The following SMAP1 variants were observed in gnomAD, a reference collection of about 807,000 sequenced individuals.
The protein encoded by SMAP1 is small ArfGAP 1.
SMAP1 carries 24 observed loss-of-function variants against 58.5 expected under a neutral mutation model. That is an observed-to-expected ratio of 0.41 (90% CI 0.30 to 0.58). The LOEUF is 0.58. Among genes scored for constraint, SMAP1 ranks in the 20% least tolerant of loss-of-function variants. The probability of loss-of-function intolerance (pLI) is 0.29; values close to 1 mark genes in which losing one functional copy is unlikely to be tolerated. For missense variants in SMAP1, 563 were observed against 566.3 expected (o/e 0.99, Z 0.06); for synonymous variants, 216 against 196.6 (o/e 1.10, Z -0.82).
At chr6:70,752,287 C>A (rs1766312145) in intron 2 of SMAP1, among the ~76,000 whole-genome samples, 1 of 152,188 alleles carries the variant, frequency 6.6e-6, no homozygotes, top group Non-Finnish European at 1.5e-5. Context: ...TTAGTAAGCC[C>A]TGCAGGACAT....
chr6:70,845,576 A>G (rs1261645335), intron 7 of SMAP1, among the ~76,000 whole-genome samples: 1 of 152,240 alleles, frequency 6.6e-6, no homozygotes, highest in African/African-American at 2.4e-5. Context: ...CTAATGTTTT[A>G]CGGACATCAC....
chr6:70,690,594 C>T (rs1038123007), intron 1 of SMAP1, among the ~76,000 whole-genome samples: 6 of 151,658 alleles, frequency 4.0e-5, no homozygotes, highest in Non-Finnish European at 5.9e-5. Context: ...GCCACCCGGC[C>T]GGTTTTTAAG....
chr6:70,860,765 A>C lies in SMAP1; in HGVS notation c.*431A>C, dbSNP rs545459761. The C allele has an allele frequency of 2.2e-4, 89 of 399,634 alleles. No individual in the cohort carries two copies. The highest frequency in any genetic ancestry group is 1.7e-3 in the African/African-American group (83 of 48,726). 24.8% of individuals were successfully genotyped at this position (399,634 alleles called of 1,614,324 possible). A position where few individuals can be genotyped will look rare whatever the true frequency, so the allele number is the denominator to read the frequency against. ...ATCAAATGTTTAATCATATAAATAG[A>C]ATGTAAATGTCTCACTGAGCACTGT... On this transcript the variant is annotated 3_prime_UTR_variant, in exon 11 of 11. Transcript: ENST00000370455.
Position 70,861,628 on chromosome 6 carries a change from C to T in SMAP1, c.*1294C>T, listed in dbSNP as rs754878228. The T allele has an allele frequency of 3.8e-6, 6 of 1,589,884 alleles. No individual in the cohort carries two copies. The highest frequency in any genetic ancestry group is 5.2e-6 in the Non-Finnish European group (6 of 1,159,724). On this transcript the variant is annotated 3_prime_UTR_variant, in exon 11 of 11. Transcript: ENST00000370455. ...AAACATCCTCTTCCATATGGATCCA[C>T]TGGCTGGACAAACTGCACCAGTTGC...
chr6:70,803,033 G>T (rs540715294), intron 6 of SMAP1, among the ~76,000 whole-genome samples: 1 of 152,304 alleles, frequency 6.6e-6, no homozygotes, highest in East Asian at 1.9e-4. Flanking sequence ...AATGAGTTAG[G>T]GAGGATTCCC....
At chr6:70,685,956 A>G (rs577209688) in intron 1 of SMAP1, among the ~76,000 whole-genome samples, 5 of 152,050 alleles carry the variant, frequency 3.3e-5, no homozygotes, top group Non-Finnish European at 7.4e-5. Context: ...CCCAGGCTGG[A>G]GTGTAGTGGC....
chr6:70,677,003 G>C (rs532357433), intron 1 of SMAP1, among the ~76,000 whole-genome samples: 1 of 151,964 alleles, frequency 6.6e-6, no homozygotes, highest in African/African-American at 2.4e-5. Flanking sequence ...TATGTTGTTT[G>C]GGCTTTCAAA....
chr6:70,789,145 G>A (rs1379846061), intron 4 of SMAP1, among the ~76,000 whole-genome samples: 1 of 151,906 alleles, frequency 6.6e-6, no homozygotes, highest in Admixed American at 6.6e-5. Flanking sequence ...CTCACATAAT[G>A]TATATTACCC....
intron 2 of SMAP1, among the ~76,000 whole-genome samples, chr6:70,752,321 C>G (rs1181528672): frequency 3.3e-5 from 5 of 152,132 alleles, no homozygotes; most frequent in Non-Finnish European, 7.4e-5. Flanking sequence ...CTGGATGAAG[C>G]CTGAAATATC....
At chr6:70,848,961 G>T (rs188369243) in intron 7 of SMAP1, among the ~76,000 whole-genome samples, 2 of 152,306 alleles carry the variant, frequency 1.3e-5, no homozygotes, top group Non-Finnish European at 1.5e-5. Context: ...TGAATGCATA[G>T]CTTTGATAGT....
rs1229710601 is a variant in SMAP1, at chr6:70,725,210, G to A, written c.119-7168G>A. On this transcript the variant is annotated intron_variant, in intron 1 of 10. Coordinates refer to ENST00000370455, the MANE Select transcript of SMAP1 (RefSeq NM_001044305.3). Reference sequence around the variant, plus strand: ...CGGCTCACTGCAAGCTCTGCCTCCCGGGTTCACATTATTCTCCTGCCTCAG... The same window carrying A: ...CGGCTCACTGCAAGCTCTGCCTCCCAGGTTCACATTATTCTCCTGCCTCAG... Among the ~76,000 whole-genome samples, 13 of 134,398 alleles carry A rather than the reference G, an allele frequency of 9.7e-5. No homozygotes were observed. In the East Asian group the frequency reaches 1.4e-3, roughly 15 times the overall value. The allele number at this position is 134,398 out of a possible 152,430, so 88.2% of individuals were successfully genotyped here. A position where few individuals can be genotyped will look rare whatever the true frequency, so the allele number is the denominator to read the frequency against.
chr6:70,770,870 C>G (rs1582151328), intron 3 of SMAP1, among the ~76,000 whole-genome samples: 4 of 152,238 alleles, frequency 2.6e-5, no homozygotes, highest in African/African-American at 9.6e-5. Context: ...TTTTCCCCAT[C>G]TTTGTGGTTT....
intron 4 of SMAP1, among the ~76,000 whole-genome samples, chr6:70,777,049 T>C (rs183865176): frequency 6.6e-6 from 1 of 152,338 alleles, no homozygotes; most frequent in Non-Finnish European, 1.5e-5. Context: ...TGTTTTTAAT[T>C]TTTTGAGAAA....
chr6:70,708,548 T>A (rs1358240353), intron 1 of SMAP1, among the ~76,000 whole-genome samples: 1 of 152,212 alleles, frequency 6.6e-6, no homozygotes, highest in Non-Finnish European at 1.5e-5. Flanking sequence ...CATACTCCTT[T>A]CCATAATAGC....
Position 70,860,713 on chromosome 6 carries a change from A to C in SMAP1, c.*379A>C, listed in dbSNP as rs1210555326. 1.7e-5 allele frequency: 7 copies of C among 403,380 alleles called. No homozygotes were observed. In the East Asian group the frequency reaches 2.5e-4, roughly 14 times the overall value. The allele number at this position is 403,380 out of a possible 1,614,324, so 25.0% of individuals were successfully genotyped here. A position where few individuals can be genotyped will look rare whatever the true frequency, so the allele number is the denominator to read the frequency against. On this transcript the variant is annotated 3_prime_UTR_variant, in exon 11 of 11. Transcript: ENST00000370455. The stretch of plus-strand genomic sequence containing the variant: ...TATAAACCCCACCCCAAAATTAGCC[A>C]GTAATCCTGTAGGAAGGTACTGTAT...
rs573810725 is a variant in SMAP1, at chr6:70,861,334, T to C, written c.*1000T>C. The C allele has an allele frequency of 1.3e-5, 3 of 232,618 alleles. No homozygotes were observed. The highest frequency in any genetic ancestry group is 2.6e-5 in the Non-Finnish European group (3 of 117,428). The allele number at this position is 232,618 out of a possible 1,614,324, so 14.4% of individuals were successfully genotyped here. ...TACCAACCTGTTCAAGTCTACCAAT[T>C]ATAAGGGCAAATTGGAGAAAAAGAA... On this transcript the variant is annotated 3_prime_UTR_variant, in exon 11 of 11. Coordinates refer to ENST00000370455, the MANE Select transcript of SMAP1 (RefSeq NM_001044305.3).
At chr6:70,785,980 C>A (rs1419148884) in intron 4 of SMAP1, among the ~76,000 whole-genome samples, 1 of 151,774 alleles carries the variant, frequency 6.6e-6, no homozygotes. Flanking sequence ...GATACCAAAG[C>A]CTGACAGAGA....
At chr6:70,842,745 G>A (rs1233343798) in intron 7 of SMAP1, among the ~76,000 whole-genome samples, 3 of 152,168 alleles carry the variant, frequency 2.0e-5, no homozygotes, top group African/African-American at 7.2e-5. Flanking sequence ...AGCGCAGGGA[G>A]CCAGCTTCCT....
At chr6:70,778,280 T>C (rs1026276723) in intron 4 of SMAP1, among the ~76,000 whole-genome samples, 1 of 152,200 alleles carries the variant, frequency 6.6e-6, no homozygotes, top group South Asian at 2.1e-4. Flanking sequence ...TATCCTTGTC[T>C]TTTTTCTGTT....
Sources: gnomAD v4.1 joint callset for allele counts (sites outside exome capture counted in the v4.1 genomes callset) on GRCh38, gnomAD v4.1.1 for gene constraint, MANE v1.5 for transcripts, NCBI Gene and HGNC (gene_info 2026-07-23, HGNC 2026-07-21) for gene names.